The following LMF1 variants were observed in gnomAD, a reference collection of about 807,000 sequenced individuals.
The protein encoded by LMF1 is transmembrane protein 112.
LMF1 carries 68 observed loss-of-function variants against 60.6 expected under a neutral mutation model. That is an observed-to-expected ratio of 1.12 (90% CI 0.92 to 1.37). The LOEUF is 1.37. Among genes scored for constraint, LMF1 ranks in the 40% most tolerant of loss-of-function variants. The probability of loss-of-function intolerance (pLI) is 0.00; values close to 1 mark genes in which losing one functional copy is unlikely to be tolerated. For synonymous variants in LMF1, 418 were observed against 324.7 expected, an observed-to-expected ratio of 1.29 and a Z score of -3.09; for missense variants, 948 against 767.2, an observed-to-expected ratio of 1.24 and a Z score of -2.78.
intron 2 of LMF1, among the ~76,000 whole-genome samples, chr16:937,756 G>T (rs1189399815): frequency 6.6e-6 from 1 of 152,228 alleles, no homozygotes; most frequent in African/African-American, 2.4e-5. Flanking sequence ...TAAATTTTAT[G>T]CTCCCCATTT....
rs1340810095 is a variant in LMF1 at position 962,446 on chromosome 16, G to C, written c.194-7780C>G. Among the ~76,000 whole-genome samples, 2 of 146,038 alleles carry C rather than the reference G, an allele frequency of 1.4e-5. No homozygotes were observed. The highest frequency in any genetic ancestry group is 5.2e-5 in the African/African-American group (2 of 38,480). ...CGGCTTCCAGAGGACAGAGCGGGCG[G>C]GAAAGCAGGGACCTGTCAGAGGGCA... On this transcript the variant is annotated intron_variant, in intron 1 of 10. Transcript: ENST00000262301. The surrounding 1 kb of genome is among the most constrained non-coding windows in gnomAD (Gnocchi z 4.5).
chr16:975,420 C>G (rs961762711), upstream of LMF1, among the ~76,000 whole-genome samples: 6 of 152,200 alleles, frequency 3.9e-5, no homozygotes, highest in African/African-American at 1.4e-4. Context: ...GGGCTGAGCT[C>G]TACCCACAGT....
intron 9 of LMF1, 135 bp from the exon 10 acceptor site, chr16:869,191 G>A: frequency 2.8e-6 from 2 of 708,904 alleles, no homozygotes; most frequent in South Asian, 1.5e-5. Flanking sequence ...CCGCACTCCA[G>A]CTCTTTGGCT....
At position 970,965 on chromosome 16, in the gene LMF1, G is replaced by T. The variant is rs757588466; in HGVS notation, c.16C>A (p.Pro6Thr). 3.3e-6 allele frequency: 5 copies of T among 1,526,802 alleles called. No individual in the cohort carries two copies. Among genetic ancestry groups the T allele is most frequent in the Non-Finnish European group, 4.4e-6 (5 of 1,132,494 alleles). 94.6% of individuals were successfully genotyped at this position (1,526,802 alleles called of 1,614,324 possible). A position where few individuals can be genotyped will look rare whatever the true frequency, so the allele number is the denominator to read the frequency against. Residue 6 changes from proline (P) to threonine (T), a missense_variant, in exon 1 of 11, where the codon CCA (proline) becomes ACA (threonine). Coordinates refer to ENST00000262301, the MANE Select transcript of LMF1 (RefSeq NM_022773.4). ...GACTCCGCGGGCGCCGCCATTGTTG[G>T]GCTGTCAGGGCGCATGTGCGGGGAG... MRPDS[P>T]TMAAPAESLR...
intron 5 of LMF1, among the ~76,000 whole-genome samples, chr16:890,689 T>C (rs1348031887): frequency 6.6e-6 from 1 of 152,186 alleles, no homozygotes; most frequent in African/African-American, 2.4e-5. Flanking sequence ...GACCCCCCCA[T>C]GTGTCTGGGC....
At chr16:958,846 C>T (rs2072762293) in intron 1 of LMF1, among the ~76,000 whole-genome samples, 1 of 151,942 alleles carries the variant, frequency 6.6e-6, no homozygotes, top group African/African-American at 2.4e-5. Context: ...GACACAGCGC[C>T]ACTGCACTCC....
At chr16:938,770 CTG>C (rs1201269563) in intron 2 of LMF1, among the ~76,000 whole-genome samples, 14 of 152,314 alleles carry the variant, frequency 9.2e-5, no homozygotes, top group African/African-American at 3.4e-4. Flanking sequence ...GCTCCCATTA[CTG>C]TGTGAAAACC....
At chr16:912,152 CAT>C (rs1479043825) in intron 3 of LMF1, among the ~76,000 whole-genome samples, 1 of 152,204 alleles carries the variant, frequency 6.6e-6, no homozygotes, top group Non-Finnish European at 1.5e-5. Context: ...ACAACGATCA[CAT>C]GACTCACACC....
chr16:919,799 G>A (rs1332842544), intron 3 of LMF1, among the ~76,000 whole-genome samples: 3 of 152,030 alleles, frequency 2.0e-5, no homozygotes, highest in Admixed American at 6.6e-5. Flanking sequence ...GGAGCCTCAC[G>A]GAGACCCACA....
chr16:909,862 G>A (rs1484669282), intron 4 of LMF1, among the ~76,000 whole-genome samples: 6 of 152,236 alleles, frequency 3.9e-5, no homozygotes, highest in East Asian at 1.9e-4. Flanking sequence ...AGGAGTGGCC[G>A]AGACGGCGGC....
chr16:939,980 C>T (rs532180711), intron 2 of LMF1, among the ~76,000 whole-genome samples: 2 of 152,160 alleles, frequency 1.3e-5, no homozygotes, highest in South Asian at 4.2e-4. Flanking sequence ...GAGGTGAGGG[C>T]GTCCTGGACT....
rs144797672 is a variant in LMF1, at chr16:886,115, G to T, written c.730-6378C>A. 4.8e-3 allele frequency among the ~76,000 whole-genome samples: 726 copies of T among 152,360 alleles called. 7 individuals carry two copies. The highest frequency in any genetic ancestry group is 0.016 in the African/African-American group (684 of 41,578). ...CATTCCAGTGCATGTTACGACATTT[G>T]ATTCTCACAACCGCCGTAGGGTAGT... On this transcript the variant is annotated intron_variant, in intron 5 of 10. Coordinates refer to ENST00000262301, the MANE Select transcript of LMF1 (RefSeq NM_022773.4).
At chr16:912,735 G>A (rs561668599) in intron 3 of LMF1, among the ~76,000 whole-genome samples, 99 of 152,298 alleles carry the variant, frequency 6.5e-4, no homozygotes, top group Non-Finnish European at 1.2e-3. Context: ...TGGGCCTTGC[G>A]GACACCCTGG....
chr16:950,008 C>T (rs565078833), intron 2 of LMF1, among the ~76,000 whole-genome samples: 1 of 143,066 alleles, frequency 7.0e-6, no homozygotes. Context: ...ACGACAGAGT[C>T]AGAGCCAACG....
intron 1 of LMF1, among the ~76,000 whole-genome samples, chr16:965,438 A>G (rs1330616977): frequency 6.6e-6 from 1 of 152,210 alleles, no homozygotes; most frequent in Non-Finnish European, 1.5e-5. Context: ...GAGAGCAAAA[A>G]AAAGAGCCTC....
exon 1 of LMF1, chr16:981,233 C>T (rs2073349715): frequency 4.4e-6 from 2 of 454,218 alleles, no homozygotes; most frequent in East Asian, 1.4e-4. Flanking sequence ...CAGGCAGCAG[C>T]TGACCCCGCG....
At chr16:891,901 AGTGTT>A (rs2070499854) in intron 5 of LMF1, among the ~76,000 whole-genome samples, 1 of 152,222 alleles carries the variant, frequency 6.6e-6, no homozygotes, top group African/African-American at 2.4e-5. Context: ...AAGAGCTGAG[AGTGTT>A]TACTTTCTGG....
chr16:964,176 G>A (rs1487671770), intron 1 of LMF1: 1 of 453,390 alleles, frequency 2.2e-6, no homozygotes, highest in East Asian at 7.0e-5. Context: ...TGTGCCCGTA[G>A]CCCCAGCTAC....
intron 5 of LMF1, among the ~76,000 whole-genome samples, chr16:880,970 G>A (rs933372261): frequency 6.6e-6 from 1 of 152,242 alleles, no homozygotes; most frequent in Non-Finnish European, 1.5e-5. Flanking sequence ...GCCTGGCACA[G>A]CCGCAGAAAC....
Sources: allele counts gnomAD v4.1 joint callset (sites outside exome capture counted in the v4.1 genomes callset), GRCh38; gene constraint gnomAD v4.1.1; non-coding constraint Gnocchi (gnomAD v3.1); transcripts MANE v1.5; gene names NCBI Gene and HGNC (gene_info 2026-07-23, HGNC 2026-07-21).